Variants in GRXCR1 observed in about 807,000 individuals in gnomAD.
GRXCR1 encodes glutaredoxin and cysteine rich domain containing 1.
Under a neutral mutation model 27.3 loss-of-function variants are expected in GRXCR1, and 27 were observed. The observed-to-expected ratio is 0.99, with a 90% CI of 0.73 to 1.37. GRXCR1 has a LOEUF of 1.37. Among genes scored for constraint, GRXCR1 ranks in the 40% most tolerant of loss-of-function variants. The probability of loss-of-function intolerance (pLI) is 0.00; values close to 1 mark genes in which losing one functional copy is unlikely to be tolerated. For missense variants in GRXCR1, 379 were observed against 354.4 expected, an observed-to-expected ratio of 1.07 and a Z score of -0.56; for synonymous variants, 122 against 131.1, an observed-to-expected ratio of 0.93 and a Z score of 0.47.
intron 1 of GRXCR1, among the ~76,000 whole-genome samples, chr4:42,942,374 G>T (rs1747645080): frequency 6.6e-6 from 1 of 152,030 alleles, no homozygotes; most frequent in Non-Finnish European, 1.5e-5. Context: ...AGGCACAGTA[G>T]TTACCTGAAC....
chr4:42,933,577 T>G (rs1173190074), intron 1 of GRXCR1, among the ~76,000 whole-genome samples: 2 of 151,958 alleles, frequency 1.3e-5, no homozygotes, highest in African/African-American at 4.8e-5. Context: ...TATTAAAACC[T>G]AACCTCCAAT....
chr4:43,010,296 G>A (rs900228431), intron 2 of GRXCR1, among the ~76,000 whole-genome samples: 3 of 151,858 alleles, frequency 2.0e-5, no homozygotes, highest in African/African-American at 7.3e-5. Context: ...CCAGCTACTC[G>A]GGAGGCTGAG....
At chr4:42,987,222 T>TATTATATATTATATATATATA (rs369022273) in intron 2 of GRXCR1, among the ~76,000 whole-genome samples, 2 of 100,594 alleles carry the variant, frequency 2.0e-5, no homozygotes, top group African/African-American at 7.7e-5. Flanking sequence ...TATATATATA[T>TATTATATATTATATATATATA]TATATATTAT....
At chr4:42,964,452 A>T (rs1748194240) in intron 2 of GRXCR1, among the ~76,000 whole-genome samples, 1 of 152,186 alleles carries the variant, frequency 6.6e-6, no homozygotes, top group Admixed American at 6.6e-5. Context: ...AAATGGGAAT[A>T]AGAATACAAC....
intron 2 of GRXCR1, among the ~76,000 whole-genome samples, chr4:42,994,236 C>T (rs899020012): frequency 3.3e-5 from 5 of 152,124 alleles, no homozygotes; most frequent in East Asian, 1.9e-4. Flanking sequence ...CTGCAGGGGA[C>T]AAGGACAAGG....
rs543856925 is a variant in GRXCR1, at chr4:43,010,474, C to T, written c.628-9880C>T. Among the ~76,000 whole-genome samples the T allele has an allele frequency of 4.0e-5, 6 of 151,568 alleles. No homozygotes were observed. In the South Asian group the frequency reaches 1.3e-3, roughly 32 times the overall value. On this transcript the variant is annotated intron_variant, in intron 2 of 3. Transcript: ENST00000399770. ...TTTGCTGACATCTTACTTGCAAGGG[C>T]TTTATCACATGGCTATACCTAACCA...
At chr4:42,972,481 T>C (rs1748412988) in intron 2 of GRXCR1, among the ~76,000 whole-genome samples, 1 of 152,154 alleles carries the variant, frequency 6.6e-6, no homozygotes, top group East Asian at 1.9e-4. Flanking sequence ...AGCCAGACTT[T>C]TAGAATTTAA....
chr4:42,954,997 A>G (rs963385431), intron 1 of GRXCR1, among the ~76,000 whole-genome samples: 5 of 152,206 alleles, frequency 3.3e-5, no homozygotes, highest in Non-Finnish European at 7.3e-5. Flanking sequence ...AGAGGTTTAC[A>G]GAATATCATG....
chr4:42,973,450 C>A (rs1219960888), intron 2 of GRXCR1, among the ~76,000 whole-genome samples: 2 of 151,794 alleles, frequency 1.3e-5, no homozygotes, highest in Non-Finnish European at 2.9e-5. Context: ...AAAGTCTTTT[C>A]ATTTTGGGGG....
At chr4:43,006,316 C>T (rs1712557187) in intron 2 of GRXCR1, among the ~76,000 whole-genome samples, 2 of 152,192 alleles carry the variant, frequency 1.3e-5, no homozygotes, top group African/African-American at 4.8e-5. Context: ...AGAGAGGTAA[C>T]CTTAAACTCT....
intron 2 of GRXCR1, among the ~76,000 whole-genome samples, chr4:42,996,422 A>G (rs774079406): frequency 6.6e-6 from 1 of 152,190 alleles, no homozygotes; most frequent in Admixed American, 6.6e-5. Flanking sequence ...TTATGGCCTT[A>G]GTAAGTCATC....
chr4:42,913,600 T>C (rs1746812878), intron 1 of GRXCR1, among the ~76,000 whole-genome samples: 1 of 152,088 alleles, frequency 6.6e-6, no homozygotes. Flanking sequence ...GATGAAGAGA[T>C]AGAAAAGAAA....
chr4:42,921,453 T>C (rs1401697351), intron 1 of GRXCR1, among the ~76,000 whole-genome samples: 3 of 152,132 alleles, frequency 2.0e-5, no homozygotes, highest in Non-Finnish European at 4.4e-5. Context: ...ATCATGCTTC[T>C]GGTTAACTAA....
chr4:42,959,500 A>G (rs911529416), intron 1 of GRXCR1, among the ~76,000 whole-genome samples: 4 of 151,928 alleles, frequency 2.6e-5, no homozygotes, highest in African/African-American at 4.8e-5. Flanking sequence ...AGTTAATAAT[A>G]TTATATTACA....
intron 2 of GRXCR1, among the ~76,000 whole-genome samples, chr4:42,997,568 G>A (rs1425542742): frequency 6.6e-6 from 1 of 152,154 alleles, no homozygotes; most frequent in Non-Finnish European, 1.5e-5. Context: ...GCTCAAGAAC[G>A]AGTCTTGATT....
chr4:42,959,479 A>G (rs1431899819), intron 1 of GRXCR1, among the ~76,000 whole-genome samples: 1 of 151,876 alleles, frequency 6.6e-6, no homozygotes, highest in Admixed American at 6.6e-5. Context: ...TATGTGCCAC[A>G]TGAGGATTAT....
chr4:42,917,829 A>T (rs1415906654), intron 1 of GRXCR1, among the ~76,000 whole-genome samples: 1 of 152,092 alleles, frequency 6.6e-6, no homozygotes, highest in Non-Finnish European at 1.5e-5. Context: ...TGAGAGAGGG[A>T]AGGAAGTCCA....
chr4:42,933,156 C>T (rs10011582), intron 1 of GRXCR1, among the ~76,000 whole-genome samples: 3,797 of 151,990 alleles, frequency 0.025, 148 homozygotes, highest in African/African-American at 0.081. Context: ...AATCAGGACA[C>T]ATCCCATGTC....
At chr4:42,932,587 TATATATATATATATATATATATATATATA>T (rs1259502109) in intron 1 of GRXCR1, among the ~76,000 whole-genome samples, 7 of 39,958 alleles carry the variant, frequency 1.8e-4, no homozygotes, top group African/African-American at 6.2e-4. Flanking sequence ...CATATATATA[TATATATATATATATATATATATATATATA>T]TATAGAGAGA....
Sources: allele counts gnomAD v4.1 joint callset (sites outside exome capture counted in the v4.1 genomes callset), GRCh38; gene constraint gnomAD v4.1.1; transcripts MANE v1.5; gene names NCBI Gene and HGNC (gene_info 2026-07-23, HGNC 2026-07-21).